The following ZFP69 variants were observed in gnomAD, a reference collection of about 807,000 sequenced individuals.
ZFP69 encodes the protein ZFP69 zinc finger protein, also known as zinc finger protein 69 homolog.
ZFP69 carries 35 observed loss-of-function variants against 48.9 expected under a neutral mutation model. That is an observed-to-expected ratio of 0.72 (90% CI 0.55 to 0.95). ZFP69 has a LOEUF of 0.95. Ranked by LOEUF, ZFP69 falls within the 40% of genes least tolerant of loss-of-function variation. The pLI is 0.00. For synonymous variants in ZFP69, 193 were observed against 216.8 expected (o/e 0.89, Z 0.96); for missense variants, 557 against 638.4 (o/e 0.87, Z 1.37).
chr1:40,483,046 G>A, intron 3 of ZFP69, among the ~76,000 whole-genome samples: 1 of 151,948 alleles, frequency 6.6e-6, no homozygotes, highest in East Asian at 1.9e-4. Flanking sequence ...TTTAAAAATA[G>A]AGATCTCATT....
At position 40,479,130 on chromosome 1, in the gene ZFP69, AC is replaced by A. The variant is rs1645418964; in HGVS notation, c.-231del. ...GGAGACATGAACTCAAACCTAACTA[AC>A]TGGCTGCCTCCCAAAGAAAGTGCTT... On this transcript the variant is annotated 5_prime_UTR_variant, in exon 2 of 6. The change creates a new upstream start codon in the 5' untranslated region. Coordinates refer to ENST00000372706, the MANE Select transcript of ZFP69 (RefSeq NM_001320179.2). 1 of 452,410 alleles carries A rather than the reference AC, an allele frequency of 2.2e-6. No homozygotes were observed. Among genetic ancestry groups the A allele is most frequent in the Non-Finnish European group, 4.1e-6 (1 of 246,422 alleles). The allele number at this position is 452,410 out of a possible 1,614,324, so 28.0% of individuals were successfully genotyped here.
chr1:40,485,344 G>C (rs528035424), intron 3 of ZFP69, among the ~76,000 whole-genome samples: 101 of 152,086 alleles, frequency 6.6e-4, no homozygotes, highest in African/African-American at 2.3e-3. Flanking sequence ...CAGTTACTTT[G>C]AATTAATGTT....
chr1:40,485,436 A>G (rs1248630617), intron 3 of ZFP69, among the ~76,000 whole-genome samples: 3 of 152,130 alleles, frequency 2.0e-5, no homozygotes, highest in Non-Finnish European at 4.4e-5. Context: ...GTCAATATAC[A>G]TTTTGTTTTA....
In ZFP69 at chr1:40,494,995, A is replaced by T. The variant is rs1645614185; in HGVS notation, c.517A>T (p.Ile173Phe). The change falls in exon 6 of 6, where the codon ATT (isoleucine) becomes TTT (phenylalanine). Residue 173 changes from isoleucine to phenylalanine, a missense_variant. By Grantham distance (21) the Ile-to-Phe change is conservative (BLOSUM62 0). Coordinates refer to ENST00000372706, the MANE Select transcript of ZFP69 (RefSeq NM_001320179.2). ...TISQERLYHGIMMESFMRDDI... is the reference protein window; with the variant it reads ...TISQERLYHGFMMESFMRDDI... ...TTCACAGGAGCGCTTATATCATGGC[A>T]TTATGATGGAAAGTTTCATGAGGGA... 1 of 1,613,870 alleles carries T rather than the reference A, an allele frequency of 6.2e-7. No homozygotes were observed. Among genetic ancestry groups the T allele is most frequent in the African/African-American group, 1.3e-5 (1 of 74,902 alleles).
At chr1:40,487,907 C>T (rs897973606) in intron 3 of ZFP69, among the ~76,000 whole-genome samples, 3 of 151,982 alleles carry the variant, frequency 2.0e-5, no homozygotes, top group Admixed American at 2.0e-4. Context: ...ATTAGCTGGG[C>T]GTGGTGGCGT....
chr1:40,489,223 T>TG lies in ZFP69; in HGVS notation c.346+11dup, dbSNP rs1215327532. On this transcript the variant is annotated intron_variant, in intron 4 of 5. Transcript: ENST00000372706. ...CAACTTGGTGTCAGTGGGTAAGACTTGGCTATCCATGCATCCAGAAACCCA... is the reference window on the plus strand; with the variant it reads ...CAACTTGGTGTCAGTGGGTAAGACTTGGGCTATCCATGCATCCAGAAACCCA... The TG allele has an allele frequency of 6.2e-7, 1 of 1,613,156 alleles. No homozygotes were observed. The highest frequency in any genetic ancestry group is 8.5e-7 in the Non-Finnish European group (1 of 1,179,490).
chr1:40,480,424 C>T (rs559497699), intron 2 of ZFP69, among the ~76,000 whole-genome samples: 1 of 150,044 alleles, frequency 6.7e-6, no homozygotes, highest in East Asian at 1.9e-4. Flanking sequence ...TGCCACCACG[C>T]CTGGCTAATT....
Position 40,495,940 on chromosome 1 carries a change from C to G in ZFP69, c.1462C>G (p.His488Asp). ...TTCATCCTTTAAAAAACATCAGAGA[C>G]ATCACACTGGAGAAAAACCTTACGA... ...HDSSFKKHQR[H>D]HTGEKPYECN... The change falls in exon 6 of 6, where the codon CAT becomes GAT. Residue 488 changes from histidine (H) to aspartate (D), a missense_variant. By Grantham distance (81) the His-to-Asp change is moderately conservative. Coordinates refer to ENST00000372706, the MANE Select transcript of ZFP69 (RefSeq NM_001320179.2). 6.2e-7 allele frequency: 1 copy of G among 1,614,138 alleles called. No homozygotes were observed. Among genetic ancestry groups the G allele is most frequent in the Non-Finnish European group, 8.5e-7 (1 of 1,180,034 alleles).
At chr1:40,478,237 G>A (rs2124436692) in intron 1 of ZFP69, among the ~76,000 whole-genome samples, 1 of 152,154 alleles carries the variant, frequency 6.6e-6, no homozygotes, top group East Asian at 1.9e-4. Flanking sequence ...TGTTCTTGGA[G>A]TGCCGTATAC....
At position 40,481,743 on chromosome 1, in the gene ZFP69, T is replaced by C. The variant is rs746688964; in HGVS notation, c.128-20T>C. ...GAGATTTGGGGAGATGCAAAGCTCA[T>C]GGCTCTTTTCCTTCCCCAGCTCTGC... On this transcript the variant is annotated intron_variant, in intron 2 of 5. Coordinates refer to ENST00000372706, the MANE Select transcript of ZFP69 (RefSeq NM_001320179.2). 1 of 1,588,334 alleles carries C rather than the reference T, an allele frequency of 6.3e-7. No individual in the cohort carries two copies. The highest frequency in any genetic ancestry group is 8.6e-7 in the Non-Finnish European group (1 of 1,164,818).
rs775881240 is a variant in ZFP69, at chr1:40,495,167, T to A, written c.689T>A (p.Ile230Asn). Residue 230 changes from isoleucine (I) to asparagine (N), a missense_variant, in exon 6 of 6, where the codon ATC becomes AAC. Coordinates refer to ENST00000372706, the MANE Select transcript of ZFP69 (RefSeq NM_001320179.2). Reference sequence around the variant, plus strand: ...GAAACTAACAAATTTGGGGAAAATATCATTGTGCATTCAAATGTTATTATT... The same window carrying A: ...GAAACTAACAAATTTGGGGAAAATAACATTGTGCATTCAAATGTTATTATT... ...VQETNKFGENIIVHSNVIIEQ... is the reference protein window; with the variant it reads ...VQETNKFGENNIVHSNVIIEQ... The A allele has an allele frequency of 4.3e-6, 7 of 1,614,010 alleles. No individual in the cohort carries two copies. The African/African-American group carries it at 9.3e-5, about 22-fold the overall frequency.
At chr1:40,489,661 A>G (rs772117019) in intron 5 of ZFP69, 37 bp downstream of exon 5, 25 of 1,435,912 alleles carry the variant, frequency 1.7e-5, no homozygotes, top group African/African-American at 1.1e-4. Context: ...TTGTGTTGCT[A>G]TAAAGGAATA....
At chr1:40,483,775 A>G (rs1271763255) in intron 3 of ZFP69, among the ~76,000 whole-genome samples, 1 of 152,128 alleles carries the variant, frequency 6.6e-6, no homozygotes, top group African/African-American at 2.4e-5. Flanking sequence ...GAGGACACTG[A>G]GATTGTAAAA....
intron 5 of ZFP69, among the ~76,000 whole-genome samples, chr1:40,494,519 C>T (rs1472391714): frequency 2.7e-5 from 4 of 146,890 alleles, no homozygotes; most frequent in East Asian, 2.0e-4. Context: ...CCGCCCGCCT[C>T]GGCCTCCCAA....
chr1:40,495,719 C>G lies in ZFP69; in HGVS notation c.1241C>G (p.Thr414Ser), dbSNP rs1414889465. The change falls in exon 6 of 6, where the codon ACT becomes AGT. Residue 414 changes from threonine to serine, a missense_variant. Transcript: ENST00000372706. The stretch of plus-strand genomic sequence containing the variant: ...ACCGGGGAGAAGCCCTATGCATGCA[C>G]TGCATGTTGTAAAACCTTTAGTCAT... ...IHTGEKPYAC[T>S]ACCKTFSHRA... 1.2e-6 allele frequency: 2 copies of G among 1,614,150 alleles called. No individual in the cohort carries two copies.
Position 40,495,672 on chromosome 1 carries a change from TA to T in ZFP69, c.1195del (p.Ser399ValfsTer4), listed in dbSNP as rs766374836. On this transcript the variant is annotated frameshift_variant, in exon 6 of 6. Transcript: ENST00000372706. LOFTEE classifies it high-confidence loss of function. ...AAACCTTTAGACAGATTAGACACCT[TA>T]GTGAACATATAAGAATTCATACCGG... ...GKTFRQIRHLSEHIRIHTGEK... is the reference protein window; with the variant it reads ...GKTFRQIRHLXEHIRIHTGEK... 1.2e-6 allele frequency: 2 copies of T among 1,614,118 alleles called. No homozygotes were observed. Among genetic ancestry groups the T allele is most frequent in the African/African-American group, 2.7e-5 (2 of 74,946 alleles).
At chr1:40,494,352 T>A (rs2124463323) in intron 5 of ZFP69, among the ~76,000 whole-genome samples, 1 of 129,304 alleles carries the variant, frequency 7.7e-6, no homozygotes, top group Admixed American at 8.9e-5. Context: ...CACTGCAAGC[T>A]CCGCCTCCCG....
rs12065390 is a variant in ZFP69 at position 40,481,879 on chromosome 1, C to A, written c.219+25C>A. On this transcript the variant is annotated intron_variant, in intron 3 of 5. Coordinates refer to ENST00000372706, the MANE Select transcript of ZFP69 (RefSeq NM_001320179.2). ...GGTGAGTAGGGATTCATCTCATTTT[C>A]TTGACATTGCTTCTCCTGTTTTTAG... 1.3e-3 allele frequency: 2,082 copies of A among 1,557,638 alleles called. 29 individuals carry two copies. In the African/African-American group the frequency reaches 0.024, roughly 18 times the overall value.
At chr1:40,480,368 C>T (rs578038378) in intron 2 of ZFP69, among the ~76,000 whole-genome samples, 2 of 149,504 alleles carry the variant, frequency 1.3e-5, no homozygotes, top group South Asian at 4.2e-4. Context: ...CAGGTTCAAG[C>T]GATTCTCCTG....
Sources: gnomAD v4.1 joint callset for allele counts (sites outside exome capture counted in the v4.1 genomes callset) on GRCh38, gnomAD v4.1.1 for gene constraint, MANE v1.5 for transcripts, NCBI Gene and HGNC (gene_info 2026-07-23, HGNC 2026-07-21) for gene names.